The following BMPR1B variants were observed in gnomAD, a reference collection of about 807,000 sequenced individuals.
BMPR1B encodes bone morphogenetic protein receptor type-1B.
BMPR1B carries 12 observed loss-of-function variants against 59.1 expected under a neutral mutation model. The observed-to-expected ratio is 0.20, with a 90% CI of 0.13 to 0.33. The LOEUF is 0.33. BMPR1B is among the 10% of genes least tolerant of loss of function. The pLI, the probability that BMPR1B is intolerant of heterozygous loss-of-function variation, is 1.00. For missense variants in BMPR1B, 550 were observed against 610.9 expected, an observed-to-expected ratio of 0.90 and a Z score of 1.05; for synonymous variants, 237 against 207.3, an observed-to-expected ratio of 1.14 and a Z score of -1.23.
chr4:94,943,791 T>C (rs1729607545), intron 2 of BMPR1B, among the ~76,000 whole-genome samples: 1 of 152,330 alleles, frequency 6.6e-6, no homozygotes, highest in East Asian at 1.9e-4. Context: ...TTGTCCTGAA[T>C]TCATTCTGTT....
chr4:95,051,884 A>C, intron 3 of BMPR1B: 1 of 1,053,412 alleles, frequency 9.5e-7, no homozygotes, highest in Non-Finnish European at 1.4e-6. Context: ...ATGTCTATAA[A>C]GTTCCATCCC....
intron 2 of BMPR1B, among the ~76,000 whole-genome samples, chr4:94,915,509 A>G (rs773466380): frequency 1.3e-5 from 2 of 152,228 alleles, no homozygotes; most frequent in Non-Finnish European, 1.5e-5. Flanking sequence ...ATTATTTTAA[A>G]CATAGTTTGA....
intron 2 of BMPR1B, among the ~76,000 whole-genome samples, chr4:94,935,562 CA>C (rs1388570765): frequency 2.0e-5 from 3 of 152,036 alleles, no homozygotes; most frequent in African/African-American, 7.2e-5. Context: ...GATGGTTCTA[CA>C]AAAAAATGAA....
At chr4:94,978,072 G>T (rs1298238092) in intron 2 of BMPR1B, among the ~76,000 whole-genome samples, 2 of 152,098 alleles carry the variant, frequency 1.3e-5, no homozygotes, top group Non-Finnish European at 2.9e-5. Flanking sequence ...AGGCCCATTG[G>T]CTTTCACTAA....
At chr4:94,926,681 A>C (rs1728901169) in intron 2 of BMPR1B, among the ~76,000 whole-genome samples, 1 of 152,026 alleles carries the variant, frequency 6.6e-6, no homozygotes, top group Non-Finnish European at 1.5e-5. Context: ...ATTTTCTTGA[A>C]TCTTACAGTG....
chr4:95,095,167 T>C (rs2149253643), intron 3 of BMPR1B, among the ~76,000 whole-genome samples: 2 of 152,010 alleles, frequency 1.3e-5, no homozygotes, highest in East Asian at 3.9e-4. Flanking sequence ...AGTTGAAAAA[T>C]TTAGACAGTG....
chr4:94,985,587 C>T (rs1322896963), intron 2 of BMPR1B, among the ~76,000 whole-genome samples: 2 of 147,870 alleles, frequency 1.4e-5, no homozygotes, highest in African/African-American at 2.5e-5. Flanking sequence ...ATATATATGC[C>T]CTAAATTGGA....
At chr4:94,848,024 T>C (rs1725408385) in intron 1 of BMPR1B, among the ~76,000 whole-genome samples, 1 of 152,206 alleles carries the variant, frequency 6.6e-6, no homozygotes, top group Admixed American at 6.5e-5. Context: ...CATCAAAATA[T>C]TTCATGTACT....
intron 3 of BMPR1B, 76 bp from the exon 4 acceptor site, chr4:95,104,332 C>A: frequency 6.8e-7 from 1 of 1,476,134 alleles, no homozygotes; most frequent in Non-Finnish European, 9.3e-7. Flanking sequence ...AAAATGTAAT[C>A]TCATGTTTTC....
chr4:94,773,716 A>C (rs913204621), intron 1 of BMPR1B, among the ~76,000 whole-genome samples: 1 of 152,100 alleles, frequency 6.6e-6, no homozygotes, highest in African/African-American at 2.4e-5. Flanking sequence ...AACATGATAA[A>C]TTAGTTTCTG....
In BMPR1B at chr4:94,835,645, T is replaced by C. The variant is rs1365995123; in HGVS notation, c.-182-40186T>C. Reference sequence around the variant, plus strand: ...GATTCAAATTTAAATTGAAAATATTTATTAAGTATAAGTTTTGTAAAACTC... The same window carrying C: ...GATTCAAATTTAAATTGAAAATATTCATTAAGTATAAGTTTTGTAAAACTC... On this transcript the variant is annotated intron_variant, in intron 1 of 12. Transcript: ENST00000515059. 4.7e-5 allele frequency among the ~76,000 whole-genome samples: 7 copies of C among 149,268 alleles called. No homozygotes were observed. In the East Asian group the frequency reaches 1.2e-3, roughly 25 times the overall value.
intron 12 of BMPR1B, 64 bp from the exon 13 acceptor site, chr4:95,154,484 A>G: frequency 6.2e-7 from 1 of 1,608,150 alleles, no homozygotes; most frequent in South Asian, 1.1e-5. Flanking sequence ...AAAACTAAAA[A>G]GCTACATTGT....
At chr4:94,773,112 A>G (rs1048699070) in intron 1 of BMPR1B, among the ~76,000 whole-genome samples, 1 of 152,126 alleles carries the variant, frequency 6.6e-6, no homozygotes, top group African/African-American at 2.4e-5. Flanking sequence ...AGCATTTTAC[A>G]TCTGTTCTCT....
At chr4:94,955,628 C>T (rs1479238059) in intron 2 of BMPR1B, among the ~76,000 whole-genome samples, 2 of 101,786 alleles carry the variant, frequency 2.0e-5, no homozygotes, top group Non-Finnish European at 4.1e-5. Context: ...CGTATTAGCA[C>T]ATTTAATTCT....
Position 94,786,479 on chromosome 4 carries a change from A to G in BMPR1B, c.-183+28411A>G, listed in dbSNP as rs992526951. 2.7e-5 allele frequency among the ~76,000 whole-genome samples: 4 copies of G among 148,306 alleles called. No homozygotes were observed. The Admixed American group carries it at 2.7e-4, about 10-fold the overall frequency. ...ACCCTTGGGCTCAAGTGACCTTTCC[A>G]CCTCCCAAATAGCTAGGATTATGGG... On this transcript the variant is annotated intron_variant, in intron 1 of 12. Coordinates refer to ENST00000515059, the MANE Select transcript of BMPR1B (RefSeq NM_001203.3).
intron 2 of BMPR1B, among the ~76,000 whole-genome samples, chr4:94,938,650 A>C (rs565250802): frequency 2.0e-5 from 3 of 152,298 alleles, no homozygotes; most frequent in Non-Finnish European, 4.4e-5. Context: ...GGATTGTCAG[A>C]CCACAGAAAA....
At chr4:94,765,337 A>G (rs184078496) in intron 1 of BMPR1B, among the ~76,000 whole-genome samples, 85 of 152,302 alleles carry the variant, frequency 5.6e-4, no homozygotes, top group African/African-American at 2.0e-3. Flanking sequence ...TTTGAATTTA[A>G]TCATGCATCA....
At chr4:95,013,658 C>T (rs976592915) in intron 3 of BMPR1B, among the ~76,000 whole-genome samples, 9 of 152,106 alleles carry the variant, frequency 5.9e-5, no homozygotes, top group African/African-American at 2.2e-4. Flanking sequence ...TAGAAGAAAA[C>T]AGCAACGGTA....
intron 2 of BMPR1B, among the ~76,000 whole-genome samples, chr4:94,896,591 G>A (rs772175628): frequency 7.9e-5 from 12 of 151,978 alleles, no homozygotes; most frequent in Non-Finnish European, 1.5e-4. Flanking sequence ...AAATACCTAT[G>A]AATTGGTTCT....
Sources: gnomAD v4.1 joint callset for allele counts (sites outside exome capture counted in the v4.1 genomes callset) on GRCh38, gnomAD v4.1.1 for gene constraint, MANE v1.5 for transcripts, NCBI Gene and HGNC (gene_info 2026-07-23, HGNC 2026-07-21) for gene names.